Variants in ADCY9 observed in about 807,000 individuals in gnomAD.
ADCY9 encodes adenylate cyclase type 9.
ADCY9 carries 50 observed loss-of-function variants against 101.5 expected under a neutral mutation model. The observed-to-expected ratio is 0.49, with a 90% CI of 0.39 to 0.62. ADCY9 has a LOEUF of 0.62. Among genes scored for constraint, ADCY9 ranks in the 20% least tolerant of loss-of-function variants. The pLI, the probability that ADCY9 is intolerant of heterozygous loss-of-function variation, is 0.00. For synonymous variants in ADCY9, 905 were observed against 769.3 expected (o/e 1.18, Z -2.92); for missense variants, 1,662 against 1,800.4 (o/e 0.92, Z 1.39).
intron 2 of ADCY9, among the ~76,000 whole-genome samples, chr16:4,011,941 C>T (rs759925686): frequency 2.6e-5 from 4 of 152,240 alleles, no homozygotes; most frequent in African/African-American, 7.2e-5. Context: ...ATGATCAACA[C>T]GCACGCAGCA....
chr16:4,033,306 T>C (rs891371701), intron 2 of ADCY9, among the ~76,000 whole-genome samples: 2 of 152,162 alleles, frequency 1.3e-5, no homozygotes, highest in African/African-American at 4.8e-5. Context: ...TAATTCCAAA[T>C]GAGTTGCTTC....
chr16:4,019,121 G>A lies in ADCY9; in HGVS notation c.1694-11563C>T, dbSNP rs566864433. On this transcript the variant is annotated intron_variant, in intron 2 of 10. Coordinates refer to ENST00000294016, the MANE Select transcript of ADCY9 (RefSeq NM_001116.4). ...TTCCCAAGTAGCTGGGATGACAGGT[G>A]TGCACCACCAAGCCCACCTTCTTTT... Among the ~76,000 whole-genome samples the A allele has an allele frequency of 5.9e-5, 9 of 152,048 alleles. No individual in the cohort carries two copies. The South Asian group carries it at 1.9e-3, about 32-fold the overall frequency.
At position 3,966,720 on chromosome 16, in the gene ADCY9, G is replaced by T. The variant is rs375586019; in HGVS notation, c.3117C>A (p.His1039Gln). 1 of 1,614,186 alleles carries T rather than the reference G, an allele frequency of 6.2e-7. No individual in the cohort carries two copies. The change falls in exon 11 of 11, where the codon CAC (histidine) becomes CAA (glutamine). Residue 1039 changes from histidine (H) to glutamine (Q), a missense_variant. This residue lies in a region of ADCY9 where 220 missense variants were observed against 312.9 expected (regional missense o/e 0.70). Transcript: ENST00000294016. ...GGGACACCTTCAGCTGCTCAGCCAC[G>T]TGGTAGGGGATGATGTTCCTCAGCA... is the stretch of plus-strand genomic sequence containing the variant. Reference protein sequence around the residue: ...DWLLRNIIPYHVAEQLKVSQT... With the variant: ...DWLLRNIIPYQVAEQLKVSQT...
At position 3,966,795 on chromosome 16, in the gene ADCY9, C is replaced by A; in HGVS notation, c.3042G>T (p.Ala1014=). The part of the protein sequence containing the change: ...YRLHYHGDVE[A]DLHRTKIQSM... ...TCTGGATCTTGGTGCGGTGAAGATC[C>A]GCTTCCACGTCTCCGTGGTAGTGGA... Residue 1014 remains alanine, a synonymous_variant, in exon 11 of 11, where the codon GCG becomes GCT. Transcript: ENST00000294016. 2.5e-6 allele frequency: 4 copies of A among 1,614,180 alleles called. No individual in the cohort carries two copies. The highest frequency in any genetic ancestry group is 3.4e-6 in the Non-Finnish European group (4 of 1,180,038).
intron 2 of ADCY9, among the ~76,000 whole-genome samples, chr16:4,048,831 A>G (rs2056682668): frequency 6.6e-6 from 1 of 152,030 alleles, no homozygotes; most frequent in African/African-American, 2.4e-5. Context: ...CCCTCCTCAC[A>G]ATCCAGAGGA....
At chr16:3,977,449 C>T in intron 9 of ADCY9, 33 bp downstream of exon 9, 4 of 1,540,564 alleles carry the variant, frequency 2.6e-6, no homozygotes. Context: ...TGGCCACGCA[C>T]CCTGGTGCCC....
At chr16:3,974,646 G>A (rs774115827) in intron 10 of ADCY9, 23 bp downstream of exon 10, 2 of 1,601,046 alleles carry the variant, frequency 1.2e-6, no homozygotes, top group Non-Finnish European at 1.7e-6. Context: ...TATTCAGACA[G>A]AAGTGCAATA....
At chr16:3,999,357 T>A (rs1326787244) in intron 3 of ADCY9, among the ~76,000 whole-genome samples, 5 of 152,188 alleles carry the variant, frequency 3.3e-5, no homozygotes, top group Non-Finnish European at 7.3e-5. Context: ...CTCGACTGTA[T>A]GATCTCGTCC....
intron 2 of ADCY9, among the ~76,000 whole-genome samples, chr16:4,091,093 A>G (rs899636537): frequency 6.6e-6 from 1 of 151,444 alleles, no homozygotes; most frequent in Non-Finnish European, 1.5e-5. Flanking sequence ...TTATTTTTTG[A>G]GACAGAGTCT....
At chr16:4,043,902 GAGTGGGGCACTTA>G (rs2056644481) in intron 2 of ADCY9, among the ~76,000 whole-genome samples, 1 of 152,172 alleles carries the variant, frequency 6.6e-6, no homozygotes, top group Admixed American at 6.6e-5. Context: ...CTGCAACCTT[GAGTGGGGCACTTA>G]AGTGCCACAG....
chr16:4,111,115 T>C (rs1230037705), intron 2 of ADCY9, among the ~76,000 whole-genome samples: 1 of 152,190 alleles, frequency 6.6e-6, no homozygotes, highest in Non-Finnish European at 1.5e-5. Context: ...TCGGATAAAT[T>C]TGAATGAGAG....
intron 2 of ADCY9, among the ~76,000 whole-genome samples, chr16:4,098,680 G>A (rs2057023882): frequency 6.6e-6 from 1 of 152,042 alleles, no homozygotes; most frequent in South Asian, 2.1e-4. Context: ...CCAGTGGCGT[G>A]GAAACAGATT....
chr16:3,980,276 G>A (rs758631577), intron 7 of ADCY9, among the ~76,000 whole-genome samples: 2 of 151,984 alleles, frequency 1.3e-5, no homozygotes, highest in African/African-American at 2.4e-5. Flanking sequence ...GTGTGATGTT[G>A]ACACAATAAA....
At chr16:4,021,292 G>C (rs1195197173) in intron 2 of ADCY9, among the ~76,000 whole-genome samples, 5 of 152,236 alleles carry the variant, frequency 3.3e-5, no homozygotes, top group Non-Finnish European at 1.5e-5. Flanking sequence ...ATCTGGCAGA[G>C]ACAGACAAGG....
rs764245903 is a variant in ADCY9 at position 3,993,554 on chromosome 16, G to A, written c.1885-44C>T. 1.4e-5 allele frequency: 23 copies of A among 1,602,914 alleles called. 1 individual carries two copies. Among genetic ancestry groups the A allele is most frequent in the Middle Eastern group, 1.9e-4 (1 of 5,288 alleles). ...CTGTGGGGACACACCCAGAAACCGCGACTGCCACCCTGAATTCAGGCAGGT... is the reference window on the plus strand; with the variant it reads ...CTGTGGGGACACACCCAGAAACCGCAACTGCCACCCTGAATTCAGGCAGGT... On this transcript the variant is annotated intron_variant, in intron 3 of 10. Transcript: ENST00000294016.
intron 2 of ADCY9, among the ~76,000 whole-genome samples, chr16:4,111,031 G>A (rs1033627547): frequency 6.6e-6 from 1 of 152,226 alleles, no homozygotes; most frequent in African/African-American, 2.4e-5. Context: ...CACAGTCAGT[G>A]CCAGGGGCAC....
chr16:3,977,602 A>G lies in ADCY9; in HGVS notation c.2708T>C (p.Leu903Pro), dbSNP rs2056103791. The change falls in exon 9 of 11, where the codon CTG (leucine) becomes CCG (proline). Residue 903 changes from leucine to proline, a missense_variant. Leu to Pro is a moderately conservative substitution (Grantham distance 98). This residue lies in a region of ADCY9 where 624 missense variants were observed against 639.1 expected (regional missense o/e 0.98). Coordinates refer to ENST00000294016, the MANE Select transcript of ADCY9 (RefSeq NM_001116.4). ...HFPVFTGSAA[L>P]IAVVHYCNFC... ...GTTACAGTAGTGCACGACGGCAATC[A>G]GCGCGGCCGAGCCTGTGAACACTGG... 5.6e-6 allele frequency: 9 copies of G among 1,612,522 alleles called. No homozygotes were observed. Among genetic ancestry groups the G allele is most frequent in the Non-Finnish European group, 7.6e-6 (9 of 1,179,714 alleles).
rs143455466 is a variant in ADCY9, at chr16:3,971,222, T to G, written c.2870+3447A>C. On this transcript the variant is annotated intron_variant, in intron 10 of 10. Transcript: ENST00000294016. Reference sequence around the variant, plus strand: ...TGTTACAAGTGTTGTCACCACTCACTGCTGGAGGAATTAAGCCCATCCCGT... The same window carrying G: ...TGTTACAAGTGTTGTCACCACTCACGGCTGGAGGAATTAAGCCCATCCCGT... Among the ~76,000 whole-genome samples the G allele has an allele frequency of 9.6e-3, 1,456 of 152,066 alleles. 22 individuals are homozygous for G. The highest frequency in any genetic ancestry group is 0.033 in the African/African-American group (1,363 of 41,480).
intron 2 of ADCY9, among the ~76,000 whole-genome samples, chr16:4,045,869 C>CTTTTT (rs56804050): frequency 2.5e-4 from 20 of 78,902 alleles, no homozygotes; most frequent in African/African-American, 8.1e-4. Flanking sequence ...TTTTTTCTTT[C>CTTTTT]TTTTTTTTTT....
Sources: gnomAD v4.1 joint callset for allele counts (sites outside exome capture counted in the v4.1 genomes callset) on GRCh38, gnomAD v4.1.1 for gene constraint, gnomAD v4.1.1 regional missense constraint, MANE v1.5 for transcripts, NCBI Gene and HGNC (gene_info 2026-07-23, HGNC 2026-07-21) for gene names.